The following TENT5D variants were observed in gnomAD, a reference collection of about 807,000 sequenced individuals.
The protein encoded by TENT5D is terminal nucleotidyltransferase 5D, also known as cancer/testis antigen 112.
For missense variants in TENT5D, 191 were observed against 287.0 expected, an observed-to-expected ratio of 0.67 and a Z score of 2.42; for synonymous variants, 103 against 100.6, an observed-to-expected ratio of 1.02 and a Z score of -0.15.
intron 3 of TENT5D, among the ~76,000 whole-genome samples, chrX:80,405,487 G>A (rs368897710): frequency 2.7e-5 from 3 of 112,601 alleles, no homozygotes; most frequent in Non-Finnish European, 3.8e-5. Flanking sequence ...CAAAGAAAGC[G>A]GTGACGGACG....
chrX:80,411,357 A>G (rs1240072155), intron 3 of TENT5D, among the ~76,000 whole-genome samples: 3 of 112,428 alleles, frequency 2.7e-5, no homozygotes, highest in African/African-American at 9.7e-5. Context: ...ATTTCCCTTT[A>G]ATTATAGACA....
At chrX:80,440,480 C>G (rs1602225759) in intron 2 of TENT5D, among the ~76,000 whole-genome samples, 1 of 110,035 alleles carries the variant, frequency 9.1e-6, no homozygotes, top group African/African-American at 3.3e-5. Context: ...TTAGTTAAGT[C>G]TCTGGATGGT....
At chrX:80,344,352 T>TA (rs1465754960) in intron 3 of TENT5D, among the ~76,000 whole-genome samples, 4 of 111,314 alleles carry the variant, frequency 3.6e-5, no homozygotes, top group Admixed American at 2.9e-4. Context: ...AGTTCTGTGT[T>TA]AAAGTTTTTT....
At chrX:80,390,775 G>A (rs932068270) in intron 3 of TENT5D, among the ~76,000 whole-genome samples, 12 of 111,713 alleles carry the variant, frequency 1.1e-4, no homozygotes, top group Admixed American at 7.6e-4. Flanking sequence ...CCTCCACAAG[G>A]TGGAAGACAA....
intron 1 of TENT5D, among the ~76,000 whole-genome samples, chrX:80,430,451 T>C (rs1932067418): frequency 9.0e-6 from 1 of 111,146 alleles, no homozygotes; most frequent in African/African-American, 3.3e-5. Flanking sequence ...GGTTTGTTTT[T>C]CTGACTTTGG....
chrX:80,414,727 T>G lies in TENT5D; in HGVS notation c.-141-23883T>G, dbSNP rs529136896. Among the ~76,000 whole-genome samples, 3 of 111,701 alleles carry G rather than the reference T, an allele frequency of 2.7e-5. No homozygotes were observed. In the South Asian group the frequency reaches 1.1e-3, roughly 42 times the overall value. On this transcript the variant is annotated intron_variant, in intron 3 of 4. Transcript: ENST00000538312. ...TTAATCTGGCTCAGTGAATCTGCAT[T>G]TTTACATAAAGAATAGGGGAGAGGA...
exon 3 of TENT5D, chrX:80,444,108 C>T (rs1354437897): frequency 7.4e-6 from 1 of 134,546 alleles, no homozygotes; most frequent in Non-Finnish European, 1.6e-5. Flanking sequence ...AGTGAAGTAT[C>T]AAATTTTTTA....
At chrX:80,387,990 A>G (rs943144212) in intron 3 of TENT5D, among the ~76,000 whole-genome samples, 2 of 111,301 alleles carry the variant, frequency 1.8e-5, no homozygotes, top group Non-Finnish European at 3.8e-5. Context: ...CAGACAGAGC[A>G]GTCTCCCCTG....
At chrX:80,400,729 T>C (rs1427778432) in intron 3 of TENT5D, among the ~76,000 whole-genome samples, 1 of 111,762 alleles carries the variant, frequency 8.9e-6, no homozygotes, top group Non-Finnish European at 1.9e-5. Context: ...ACTTTAGGAA[T>C]TGTCATCTTT....
chrX:80,341,710 C>CTT (rs1051286979), intron 2 of TENT5D, among the ~76,000 whole-genome samples: 61 of 91,404 alleles, frequency 6.7e-4, no homozygotes, highest in Non-Finnish European at 1.0e-3. Context: ...TAATTCTTTT[C>CTT]TTTTTTTTTT....
chrX:80,442,887 A>C (rs182581837), exon 3 of TENT5D: 2 of 1,209,244 alleles, frequency 1.7e-6, no homozygotes, highest in African/African-American at 3.5e-5. Flanking sequence ...CAAAAGATGT[A>C]AAGAAGGAAA....
chrX:80,438,853 G>A (rs1052925429), intron 2 of TENT5D, 121 bp downstream of exon 2: 1 of 110,887 alleles, frequency 9.0e-6, no homozygotes, highest in African/African-American at 3.3e-5. Context: ...AGTTGTAATA[G>A]GGAGAACAAT....
At chrX:80,386,215 CA>C in intron 3 of TENT5D, among the ~76,000 whole-genome samples, 1 of 112,272 alleles carries the variant, frequency 8.9e-6, no homozygotes, top group South Asian at 3.7e-4. Flanking sequence ...AAATGTGGCA[CA>C]TATACACCAT....
upstream of TENT5D, among the ~76,000 whole-genome samples, chrX:80,416,808 A>G (rs1422539402): frequency 9.0e-6 from 1 of 111,079 alleles, no homozygotes; most frequent in Non-Finnish European, 1.9e-5. Context: ...GTAGATGTCT[A>G]TTAGGTCAAT....
At chrX:80,368,631 C>T (rs1930557736) in intron 3 of TENT5D, among the ~76,000 whole-genome samples, 1 of 112,228 alleles carries the variant, frequency 8.9e-6, no homozygotes, top group Admixed American at 9.5e-5. Flanking sequence ...CTTCCACCAA[C>T]TGATCTGAGT....
chrX:80,397,528 G>A (rs1231077879), intron 3 of TENT5D, among the ~76,000 whole-genome samples: 1 of 111,896 alleles, frequency 8.9e-6, no homozygotes, highest in Non-Finnish European at 1.9e-5. Context: ...CAGACGGGGT[G>A]GTGGCCGGGC....
At chrX:80,439,350 G>C in intron 2 of TENT5D, among the ~76,000 whole-genome samples, 1 of 111,148 alleles carries the variant, frequency 9.0e-6, no homozygotes, top group Non-Finnish European at 1.9e-5. Context: ...TGGCTTTGTT[G>C]CAGTTTTTCC....
intron 3 of TENT5D, among the ~76,000 whole-genome samples, chrX:80,376,288 G>A (rs1043134260): frequency 9.0e-6 from 1 of 111,088 alleles, no homozygotes; most frequent in African/African-American, 3.3e-5. Context: ...GTACTTTACA[G>A]TATTTCTGTT....
intron 3 of TENT5D, among the ~76,000 whole-genome samples, chrX:80,342,992 C>G (rs1416520182): frequency 9.1e-6 from 1 of 110,040 alleles, no homozygotes; most frequent in African/African-American, 3.3e-5. Context: ...TTACAACTCT[C>G]TGGATACTTT....
Sources: allele counts gnomAD v4.1 joint callset (sites outside exome capture counted in the v4.1 genomes callset), GRCh38; gene constraint gnomAD v4.1.1; transcripts MANE v1.5; gene names NCBI Gene and HGNC (gene_info 2026-07-23, HGNC 2026-07-21).